Variants in ANK1 observed in about 807,000 individuals in gnomAD.
ANK1 encodes ankyrin 1, also known as ankyrin-1.
In ANK1, 51 loss-of-function variants were observed where a neutral mutation model predicts 210.4. That is an observed-to-expected ratio of 0.24 (90% CI 0.19 to 0.31). The LOEUF (loss-of-function observed/expected upper bound fraction) is 0.31, where lower values mean the gene tolerates loss of function less well. ANK1 is among the 10% of genes least tolerant of loss of function. ANK1 has a pLI of 1.00. For missense variants in ANK1, 2,051 were observed against 2,504.4 expected, an observed-to-expected ratio of 0.82 and a Z score of 3.86; for synonymous variants, 967 against 1,025.9, an observed-to-expected ratio of 0.94 and a Z score of 1.10.
intron 1 of ANK1, among the ~76,000 whole-genome samples, chr8:41,766,941 C>G (rs1290392734): frequency 1.3e-5 from 2 of 152,114 alleles, no homozygotes; most frequent in African/African-American, 2.4e-5. Context: ...TCTCCCACCC[C>G]CTGCTGAATC....
rs932294949 is a variant in ANK1 at position 41,841,060 on chromosome 8, G to A, written c.126+55295C>T. Among the ~76,000 whole-genome samples, 10 of 152,212 alleles carry A rather than the reference G, an allele frequency of 6.6e-5. No individual in the cohort carries two copies. The South Asian group carries it at 1.2e-3, about 19-fold the overall frequency. On this transcript the variant is annotated intron_variant, in intron 1 of 42. Coordinates refer to the ANK1 transcript ENST00000265709. ...TCAGTCCCACTTCTGAGTATTCATC[G>A]AAAGAACAAAAATCAGAATTTCCAG...
In ANK1 at chr8:41,717,109, A is replaced by G. The variant is rs182714242; in HGVS notation, c.1306-58T>C. On this transcript the variant is annotated intron_variant, in intron 12 of 42. Coordinates refer to ENST00000289734, the MANE Select transcript of ANK1 (RefSeq NM_000037.4). ...ACATGCCTGCTGTCCAAAACGGCAC[A>G]CACAGAGCTAGGAAGTGCAGTCTGG... The G allele has an allele frequency of 3.5e-5, 55 of 1,584,176 alleles. No individual in the cohort carries two copies. The Admixed American group carries it at 8.9e-4, about 25-fold the overall frequency.
chr8:41,811,246 G>A (rs1271122451), intron 1 of ANK1, among the ~76,000 whole-genome samples: 1 of 152,102 alleles, frequency 6.6e-6, no homozygotes, highest in Non-Finnish European at 1.5e-5. Context: ...GGAAGGGAGC[G>A]GGGGTTTCAG....
intron 38 of ANK1, among the ~76,000 whole-genome samples, chr8:41,669,359 C>T (rs1025349438): frequency 4.6e-5 from 7 of 151,978 alleles, no homozygotes; most frequent in Admixed American, 3.3e-4. Context: ...TGCAGTGGTA[C>T]AATCACAGCT....
chr8:41,719,911 T>C (rs1288967993), intron 9 of ANK1, 53 bp from the exon 10 acceptor site: 21 of 1,592,548 alleles, frequency 1.3e-5, no homozygotes, highest in Middle Eastern at 3.3e-4. Context: ...GGACCGAGCA[T>C]GGAGATTCAG....
intron 1 of ANK1, among the ~76,000 whole-genome samples, chr8:41,813,032 C>A (rs1369557746): frequency 2.0e-5 from 3 of 152,148 alleles, no homozygotes; most frequent in Non-Finnish European, 1.5e-5. Context: ...CCCACCAAAG[C>A]GTCATTTCTA....
intron 39 of ANK1, 190 bp from the exon 40 acceptor site, chr8:41,663,932 G>A (rs990493169): frequency 1.5e-6 from 1 of 667,972 alleles, no homozygotes; most frequent in Non-Finnish European, 2.7e-6. Flanking sequence ...CGCCCCTGAG[G>A]GTCTGGGAGG....
intron 2 of ANK1, among the ~76,000 whole-genome samples, chr8:41,740,304 G>A: frequency 6.6e-6 from 1 of 151,962 alleles, no homozygotes; most frequent in Non-Finnish European, 1.5e-5. Flanking sequence ...GGGATTACAG[G>A]CGTCTGCCAC....
At chr8:41,768,713 G>A (rs1459822312) in intron 1 of ANK1, among the ~76,000 whole-genome samples, 1 of 151,760 alleles carries the variant, frequency 6.6e-6, no homozygotes, top group African/African-American at 2.4e-5. Flanking sequence ...CATAATCCCA[G>A]CATTTTGGGA....
intron 1 of ANK1, among the ~76,000 whole-genome samples, chr8:41,807,545 G>C (rs1472983247): frequency 2.6e-5 from 4 of 152,086 alleles, no homozygotes; most frequent in Non-Finnish European, 5.9e-5. Flanking sequence ...CTATCCCTAG[G>C]AGTTGACAGG....
Position 41,694,505 on chromosome 8 carries a change from T to G in ANK1, c.3327+87A>C, listed in dbSNP as rs1820250899. On this transcript the variant is annotated intron_variant, in intron 28 of 42. Transcript: ENST00000289734. The surrounding 1 kb of genome is among the most constrained non-coding windows in gnomAD (Gnocchi z 5.7). ...CATTTCAAAGCACCAGACAAAAGTG[T>G]GGGGATGTCCTGGGGAAGAGGGTGG... 1 of 1,298,842 alleles carries G rather than the reference T, an allele frequency of 7.7e-7. No individual in the cohort carries two copies. Among genetic ancestry groups the G allele is most frequent in the Admixed American group, 1.9e-5 (1 of 51,356 alleles). The allele number at this position is 1,298,842 out of a possible 1,614,324, so 80.5% of individuals were successfully genotyped here. A position where few individuals can be genotyped will look rare whatever the true frequency, so the allele number is the denominator to read the frequency against.
intron 10 of ANK1, among the ~76,000 whole-genome samples, chr8:41,718,566 T>C (rs911565928): frequency 1.3e-5 from 2 of 152,238 alleles, no homozygotes; most frequent in African/African-American, 4.8e-5. Flanking sequence ...ATGTTCCCTC[T>C]TCCCTGAAAC....
intron 1 of ANK1, among the ~76,000 whole-genome samples, chr8:41,806,658 T>C (rs975517156): frequency 2.0e-5 from 3 of 152,194 alleles, no homozygotes; most frequent in Admixed American, 6.5e-5. Flanking sequence ...TGAACCATGA[T>C]GGTTTGAGCC....
At chr8:41,771,549 GC>G (rs1447722878) in intron 1 of ANK1, among the ~76,000 whole-genome samples, 3 of 152,198 alleles carry the variant, frequency 2.0e-5, no homozygotes, top group Non-Finnish European at 4.4e-5. Flanking sequence ...GAATTGATGG[GC>G]TGAAGAAAAG....
At chr8:41,683,925 GTCACA>G (rs1816899256) in intron 37 of ANK1, among the ~76,000 whole-genome samples, 2 of 152,166 alleles carry the variant, frequency 1.3e-5, no homozygotes, top group South Asian at 4.1e-4. Context: ...GCCATGCTGA[GTCACA>G]TCAACAAAGA....
Position 41,704,382 on chromosome 8 carries a change from T to C in ANK1, c.2188A>G (p.Lys730Glu), listed in dbSNP as rs757282296. 6.2e-7 allele frequency: 1 copy of C among 1,614,114 alleles called. No homozygotes were observed. Among genetic ancestry groups the C allele is most frequent in the Non-Finnish European group, 8.5e-7 (1 of 1,179,980 alleles). Residue 730 changes from lysine (K) to glutamate (E), a missense_variant, in exon 19 of 43, where the codon AAG (lysine) becomes GAG (glutamate). This residue lies in a region of ANK1 where 1,413 missense variants were observed against 1,707.4 expected (regional missense o/e 0.83). Transcript: ENST00000289734. This position sits in a 1 kb window ranked among gnomAD's most constrained non-coding sequence, Gnocchi z 4.1. ...CTGGGGCACCCCTGTACCTTGGTCTTGGCATTGACATCTGCCTGGTGCTGC... is the reference window on the plus strand; with the variant it reads ...CTGGGGCACCCCTGTACCTTGGTCTCGGCATTGACATCTGCCTGGTGCTGC... ...LLQHQADVNA[K>E]TKLGYSPLHQ...
intron 1 of ANK1, among the ~76,000 whole-genome samples, chr8:41,817,246 G>A (rs1312501250): frequency 1.3e-5 from 2 of 152,150 alleles, no homozygotes; most frequent in Non-Finnish European, 2.9e-5. Flanking sequence ...GGAGTTTTGG[G>A]GGGCACATTT....
intron 1 of ANK1, among the ~76,000 whole-genome samples, chr8:41,785,230 C>G (rs1344431720): frequency 6.6e-6 from 1 of 152,170 alleles, no homozygotes; most frequent in African/African-American, 2.4e-5. Context: ...GGGTGTGGTG[C>G]ATGACTATGG....
chr8:41,688,641 G>A (rs1331360448), intron 33 of ANK1, 52 bp from the exon 34 acceptor site: 3 of 1,533,340 alleles, frequency 2.0e-6, no homozygotes, highest in Non-Finnish European at 2.7e-6. Context: ...CACCTTCCCA[G>A]AGAAAGTGAT....
Sources: allele counts gnomAD v4.1 joint callset (sites outside exome capture counted in the v4.1 genomes callset), GRCh38; gene constraint gnomAD v4.1.1; regional missense constraint gnomAD v4.1.1; non-coding constraint Gnocchi (gnomAD v3.1); transcripts MANE v1.5; gene names NCBI Gene and HGNC (gene_info 2026-07-23, HGNC 2026-07-21).